SLC9A2: variants seen among roughly 807,000 people sequenced by gnomAD.
SLC9A2 encodes solute carrier family 9 member A2.
In SLC9A2, 42 loss-of-function variants were observed where a neutral mutation model predicts 71.7. The ratio of observed to expected loss-of-function variants is 0.59; its 90% CI spans 0.46 to 0.76. SLC9A2 has a LOEUF of 0.76. SLC9A2 is among the 30% of genes least tolerant of loss of function. The probability of loss-of-function intolerance (pLI) is 0.00; values close to 1 mark genes in which losing one functional copy is unlikely to be tolerated. For synonymous variants in SLC9A2, 396 were observed against 392.5 expected, an observed-to-expected ratio of 1.01 and a Z score of -0.10; for missense variants, 829 against 1,017.4, an observed-to-expected ratio of 0.81 and a Z score of 2.52.
chr2:102,648,376 A>G (rs759117872), intron 1 of SLC9A2, among the ~76,000 whole-genome samples: 4 of 152,200 alleles, frequency 2.6e-5, no homozygotes, highest in Non-Finnish European at 5.9e-5. Context: ...ACAAACCCAT[A>G]GCCAATATCA....
rs1408230711 is a variant in SLC9A2, at chr2:102,619,983, C to T, written c.135C>T (p.Thr45=). The stretch of plus-strand genomic sequence containing the variant: ...TGAACGCGCCGAGGGCCATGGGCAC[C>T]AGTTCCAGCCCGCCTAGCCCTGCGA... ...TLLNAPRAMG[T]SSSPPSPASV... Residue 45 remains threonine, a synonymous_variant, in exon 1 of 12, where the codon ACC becomes ACT. Coordinates refer to ENST00000233969, the MANE Select transcript of SLC9A2 (RefSeq NM_003048.6). The surrounding 1 kb of genome is among the most constrained non-coding windows in gnomAD (Gnocchi z 4.3). 1 of 1,613,810 alleles carries T rather than the reference C, an allele frequency of 6.2e-7. No individual in the cohort carries two copies. Among genetic ancestry groups the T allele is most frequent in the Non-Finnish European group, 8.5e-7 (1 of 1,179,896 alleles).
intron 1 of SLC9A2, among the ~76,000 whole-genome samples, chr2:102,633,753 T>C (rs116057429): frequency 0.011 from 1,638 of 152,268 alleles, 27 homozygotes; most frequent in African/African-American, 0.029. Flanking sequence ...GAATACAGAA[T>C]TGTAATGCTT....
At chr2:102,664,655 A>G (rs1558712475) in intron 2 of SLC9A2, among the ~76,000 whole-genome samples, 2 of 152,118 alleles carry the variant, frequency 1.3e-5, no homozygotes, top group Non-Finnish European at 2.9e-5. Flanking sequence ...CCCTTCTGTC[A>G]TGTGGCTCCA....
chr2:102,621,343 T>C (rs899330889), intron 1 of SLC9A2, among the ~76,000 whole-genome samples: 9 of 135,470 alleles, frequency 6.6e-5, no homozygotes, highest in Admixed American at 4.0e-4. Context: ...AGAGATACCT[T>C]GTCTCAGGGA....
At position 102,633,544 on chromosome 2, in the gene SLC9A2, C is replaced by T. The variant is rs187401264; in HGVS notation, c.289+13407C>T. The stretch of plus-strand genomic sequence containing the variant: ...CTTCCTTCGTGTGATTCTGTGAGGA[C>T]GAATCAAAGTAAACATGAAGAAAGT... On this transcript the variant is annotated intron_variant, in intron 1 of 11. Transcript: ENST00000233969. Among the ~76,000 whole-genome samples, 291 of 152,060 alleles carry T rather than the reference C, an allele frequency of 1.9e-3. 5 individuals are homozygous for T. Among genetic ancestry groups the T allele is most frequent in the African/African-American group, 6.4e-3 (266 of 41,456 alleles).
intron 7 of SLC9A2, among the ~76,000 whole-genome samples, chr2:102,696,980 C>A (rs556951153): frequency 6.6e-6 from 1 of 152,292 alleles, no homozygotes; most frequent in South Asian, 2.1e-4. Flanking sequence ...TGTGCTAAGC[C>A]AGTAGAACAG....
At position 102,708,317 on chromosome 2, in the gene SLC9A2, G is replaced by A; in HGVS notation, c.2267G>A (p.Gly756Asp). 1 of 1,614,170 alleles carries A rather than the reference G, an allele frequency of 6.2e-7. No individual in the cohort carries two copies. Among genetic ancestry groups the A allele is most frequent in the Non-Finnish European group, 8.5e-7 (1 of 1,180,038 alleles). Residue 756 changes from glycine (G) to aspartate (D), a missense_variant, in exon 12 of 12, where the codon GGC (glycine) becomes GAC (aspartate). Physicochemically the swap from Gly to Asp is moderately conservative, Grantham distance 94. Coordinates refer to ENST00000233969, the MANE Select transcript of SLC9A2 (RefSeq NM_003048.6). The part of the protein sequence containing the change: ...TPPTPHSREK[G>D]TQTSGLLQQP... Reference sequence around the variant, plus strand: ...CCAACACCCCACAGCAGAGAAAAGGGCACCCAGACGTCAGGCTTACTACAG... The same window carrying A: ...CCAACACCCCACAGCAGAGAAAAGGACACCCAGACGTCAGGCTTACTACAG...
chr2:102,699,462 C>G (rs541687887), intron 7 of SLC9A2, among the ~76,000 whole-genome samples: 20 of 152,068 alleles, frequency 1.3e-4, no homozygotes, highest in African/African-American at 4.6e-4. Context: ...ATATTTTTAA[C>G]GGGAGCACTT....
At chr2:102,645,605 T>C (rs1157803905) in intron 1 of SLC9A2, among the ~76,000 whole-genome samples, 5 of 151,736 alleles carry the variant, frequency 3.3e-5, no homozygotes, top group Non-Finnish European at 1.5e-5. Flanking sequence ...AAGAAGAACA[T>C]AAATGACCTG....
chr2:102,687,108 A>G (rs1232361142), intron 5 of SLC9A2, among the ~76,000 whole-genome samples: 1 of 152,218 alleles, frequency 6.6e-6, no homozygotes, highest in Non-Finnish European at 1.5e-5. Flanking sequence ...GGATATCCAC[A>G]GAGAAGAGAA....
In SLC9A2 at chr2:102,710,812, C is replaced by T. The variant is rs1231019162; in HGVS notation, c.*2323C>T. 1 of 152,294 alleles carries T rather than the reference C, an allele frequency of 6.6e-6. No homozygotes were observed. Among genetic ancestry groups the T allele is most frequent in the Non-Finnish European group, 1.5e-5 (1 of 68,044 alleles). The allele number at this position is 152,294 out of a possible 1,614,324, so 9.4% of individuals were successfully genotyped here. On this transcript the variant is annotated 3_prime_UTR_variant, in exon 12 of 12. Coordinates refer to ENST00000233969, the MANE Select transcript of SLC9A2 (RefSeq NM_003048.6). Reference sequence around the variant, plus strand: ...AGCCGTAGCCCTTTGTAAAGGCTTTCGTTCGTCCAAACAACACTTGATCCA... The same window carrying T: ...AGCCGTAGCCCTTTGTAAAGGCTTTTGTTCGTCCAAACAACACTTGATCCA...
chr2:102,629,436 A>G (rs1282140905), intron 1 of SLC9A2, among the ~76,000 whole-genome samples: 2 of 152,102 alleles, frequency 1.3e-5, no homozygotes, highest in East Asian at 1.9e-4. Flanking sequence ...TTATACCTAT[A>G]CTATCAAATG....
At position 102,660,989 on chromosome 2, in the gene SLC9A2, C is replaced by T. The variant is rs773276357; in HGVS notation, c.753+2962C>T. On this transcript the variant is annotated intron_variant, in intron 2 of 11. Coordinates refer to ENST00000233969, the MANE Select transcript of SLC9A2 (RefSeq NM_003048.6). ...CAACATTGAGCTAGAAAAGCTGAAG[C>T]GAAGAAAACTTAGCATGAAAATGTC... is the stretch of plus-strand genomic sequence containing the variant. Among the ~76,000 whole-genome samples the T allele has an allele frequency of 7.9e-5, 12 of 152,004 alleles. 1 individual carries two copies. The highest frequency in any genetic ancestry group is 2.0e-4 in the Admixed American group (3 of 15,236).
chr2:102,705,859 C>A lies in SLC9A2; in HGVS notation c.1991C>A (p.Thr664Asn), dbSNP rs771824695. ...TTTCTTTTACAGGCTTCCACTTCAA[C>A]CTCCCGATATTTATCCTTACCTAAA... ...LNREHRASTS[T>N]SRYLSLPKNT... is the part of the protein sequence containing the mutation. The change falls in exon 11 of 12, where the codon ACC (threonine) becomes AAC (asparagine). Residue 664 changes from threonine (T) to asparagine (N), a missense_variant. Physicochemically the swap from Thr to Asn is moderately conservative, Grantham distance 65 (BLOSUM62 0). Transcript: ENST00000233969. The A allele has an allele frequency of 2.5e-6, 4 of 1,594,428 alleles. No individual in the cohort carries two copies. The highest frequency in any genetic ancestry group is 3.4e-6 in the Non-Finnish European group (4 of 1,169,986).
chr2:102,636,101 T>G (rs569066278), intron 1 of SLC9A2, among the ~76,000 whole-genome samples: 29 of 152,288 alleles, frequency 1.9e-4, no homozygotes, highest in Middle Eastern at 6.8e-3. Context: ...TGTAGAACTA[T>G]ATGGAACTGT....
At chr2:102,659,455 TAATAA>T (rs1050614368) in intron 2 of SLC9A2, among the ~76,000 whole-genome samples, 1 of 151,768 alleles carries the variant, frequency 6.6e-6, no homozygotes, top group African/African-American at 2.4e-5. Flanking sequence ...ATAATAATAA[TAATAA>T]AATAAAAGTC....
Position 102,705,852 on chromosome 2 carries a change from A to T in SLC9A2, c.1984A>T (p.Thr662Ser). Residue 662 changes from threonine to serine, a missense_variant, in exon 11 of 12, where the codon ACT becomes TCT. Transcript: ENST00000233969. ...SSLNREHRAS[T>S]STSRYLSLPK... ...TTTTATATTTCTTTTACAGGCTTCCACTTCAACCTCCCGATATTTATCCTT... is the reference window on the plus strand; with the variant it reads ...TTTTATATTTCTTTTACAGGCTTCCTCTTCAACCTCCCGATATTTATCCTT... 2.5e-6 allele frequency: 4 copies of T among 1,589,466 alleles called. No homozygotes were observed. Among genetic ancestry groups the T allele is most frequent in the Non-Finnish European group, 3.4e-6 (4 of 1,165,988 alleles).
chr2:102,640,076 C>A (rs1676545723), intron 1 of SLC9A2, among the ~76,000 whole-genome samples: 1 of 152,180 alleles, frequency 6.6e-6, no homozygotes, highest in Admixed American at 6.5e-5. Context: ...ATTGGAGTCT[C>A]CAGTTAAAAC....
At chr2:102,661,107 AT>A (rs1263679710) in intron 2 of SLC9A2, among the ~76,000 whole-genome samples, 45 of 152,372 alleles carry the variant, frequency 3.0e-4, no homozygotes, top group Non-Finnish European at 6.0e-4. Flanking sequence ...ATTGAAAAAA[AT>A]AAACGTGTGA....
Sources: gnomAD v4.1 joint callset for allele counts (sites outside exome capture counted in the v4.1 genomes callset) on GRCh38, gnomAD v4.1.1 for gene constraint, Gnocchi (gnomAD v3.1) non-coding constraint, MANE v1.5 for transcripts, NCBI Gene and HGNC (gene_info 2026-07-23, HGNC 2026-07-21) for gene names.